SLC2A13: variants seen among roughly 807,000 people sequenced by gnomAD.
SLC2A13 encodes the protein proton myo-inositol cotransporter.
In SLC2A13, 32 loss-of-function variants were observed where a neutral mutation model predicts 64.4. That is an observed-to-expected ratio of 0.50 (90% CI 0.37 to 0.67). The LOEUF (loss-of-function observed/expected upper bound fraction) is 0.67. Among genes scored for constraint, SLC2A13 ranks in the 30% least tolerant of loss-of-function variants. The pLI is 0.00. For missense variants in SLC2A13, 743 were observed against 829.2 expected (o/e 0.90, Z 1.28); for synonymous variants, 338 against 327.1 (o/e 1.03, Z -0.36).
chr12:39,775,319 A>T (rs538797319), intron 7 of SLC2A13, among the ~76,000 whole-genome samples: 16 of 152,358 alleles, frequency 1.1e-4, no homozygotes, highest in Middle Eastern at 3.4e-3. Context: ...AGTTACTTTC[A>T]TTTTGGCACC....
chr12:40,070,644 A>G (rs1937917876), intron 1 of SLC2A13, among the ~76,000 whole-genome samples: 1 of 152,186 alleles, frequency 6.6e-6, no homozygotes, highest in Admixed American at 6.6e-5. Flanking sequence ...GTGATGCCAA[A>G]GTAATGCCAT....
Position 39,771,810 on chromosome 12 carries a change from G to A in SLC2A13, c.1446-6952C>T, listed in dbSNP as rs904436024. Among the ~76,000 whole-genome samples, 7 of 152,218 alleles carry A rather than the reference G, an allele frequency of 4.6e-5. No individual in the cohort carries two copies. In the East Asian group the frequency reaches 5.8e-4, roughly 13 times the overall value. On this transcript the variant is annotated intron_variant, in intron 7 of 9. Transcript: ENST00000280871. ...ATTCCAGCAGTCTACAAAATGGCCTGCAAAATGTGGCTGCAGCCTACCTTA... is the reference window on the plus strand; with the variant it reads ...ATTCCAGCAGTCTACAAAATGGCCTACAAAATGTGGCTGCAGCCTACCTTA...
intron 1 of SLC2A13, among the ~76,000 whole-genome samples, chr12:40,094,248 C>T (rs1305561258): frequency 6.6e-6 from 1 of 152,142 alleles, no homozygotes; most frequent in Non-Finnish European, 1.5e-5. Context: ...CGGGTGCAAG[C>T]ATCTGGAGAT....
intron 1 of SLC2A13, among the ~76,000 whole-genome samples, chr12:40,078,395 T>A (rs1938263515): frequency 6.6e-6 from 1 of 152,226 alleles, no homozygotes; most frequent in Non-Finnish European, 1.5e-5. Context: ...CTTGTCTGTG[T>A]CTATTGAGAT....
intron 7 of SLC2A13, among the ~76,000 whole-genome samples, chr12:39,798,548 T>A (rs1237835354): frequency 6.6e-6 from 1 of 152,234 alleles, no homozygotes; most frequent in Non-Finnish European, 1.5e-5. Flanking sequence ...TTATTACGCA[T>A]AAGAGCGCTT....
intron 2 of SLC2A13, among the ~76,000 whole-genome samples, chr12:40,037,189 T>C (rs1948002336): frequency 6.6e-6 from 1 of 152,196 alleles, no homozygotes; most frequent in Admixed American, 6.5e-5. Flanking sequence ...CAAATTTACT[T>C]TTCTTGTAAC....
intron 4 of SLC2A13, among the ~76,000 whole-genome samples, chr12:39,891,608 ATGAG>A (rs1944610578): frequency 6.6e-6 from 1 of 152,170 alleles, no homozygotes; most frequent in Non-Finnish European, 1.5e-5. Flanking sequence ...CTTGGAAATA[ATGAG>A]TATCATTTTC....
chr12:39,789,825 C>T (rs753239050), intron 7 of SLC2A13, among the ~76,000 whole-genome samples: 1 of 151,996 alleles, frequency 6.6e-6, no homozygotes, highest in Non-Finnish European at 1.5e-5. Context: ...ATTTATTGGC[C>T]ATTTGGGTAT....
At chr12:39,949,963 G>A (rs986782031) in intron 4 of SLC2A13, 6 of 152,140 alleles carry the variant, frequency 3.9e-5, no homozygotes, top group Non-Finnish European at 1.5e-5. Context: ...CCAACAGATG[G>A]GCCTTAATAG....
chr12:40,041,107 C>T (rs561883666), intron 2 of SLC2A13, among the ~76,000 whole-genome samples: 32 of 152,270 alleles, frequency 2.1e-4, no homozygotes, highest in African/African-American at 7.7e-4. Context: ...CGCCCACCAC[C>T]GCGCCCGGCT....
At chr12:39,951,055 C>T (rs1215116967) in intron 4 of SLC2A13, 1 of 447,598 alleles carries the variant, frequency 2.2e-6, no homozygotes, top group Non-Finnish European at 3.9e-6. Flanking sequence ...AATCATATAA[C>T]AAACAAAATA....
At chr12:40,093,248 G>A (rs1565624668) in intron 1 of SLC2A13, among the ~76,000 whole-genome samples, 2 of 152,186 alleles carry the variant, frequency 1.3e-5, no homozygotes, top group African/African-American at 2.4e-5. Flanking sequence ...ATAGAGTAGT[G>A]TCAGAAGCAA....
At chr12:39,927,050 A>G (rs1363050049) in intron 4 of SLC2A13, among the ~76,000 whole-genome samples, 8 of 152,226 alleles carry the variant, frequency 5.3e-5, no homozygotes. Context: ...TAGTACCTCC[A>G]GAACTAAAGC....
chr12:39,805,799 A>G (rs1416640547), intron 7 of SLC2A13, among the ~76,000 whole-genome samples: 1 of 152,198 alleles, frequency 6.6e-6, no homozygotes, highest in African/African-American at 2.4e-5. Context: ...GAGGTTTTAA[A>G]TAAATAATCT....
intron 3 of SLC2A13, among the ~76,000 whole-genome samples, chr12:40,007,405 CTT>C (rs539474607): frequency 6.6e-6 from 1 of 152,090 alleles, no homozygotes; most frequent in South Asian, 2.1e-4. Flanking sequence ...TTCATAAGTT[CTT>C]TTTTGCTATC....
chr12:39,788,778 A>C (rs1357898365), intron 7 of SLC2A13: 1 of 152,158 alleles, frequency 6.6e-6, no homozygotes, highest in East Asian at 1.9e-4. Context: ...CAATTAACAG[A>C]ATGCTGATTT....
intron 4 of SLC2A13, chr12:39,907,602 G>A (rs1256366709): frequency 6.6e-6 from 1 of 152,048 alleles, no homozygotes; most frequent in African/African-American, 2.4e-5. Flanking sequence ...ATCTAATTTT[G>A]AGTGTTAAGA....
chr12:39,841,230 C>A (rs144327929), intron 6 of SLC2A13, among the ~76,000 whole-genome samples: 2,215 of 152,250 alleles, frequency 0.015, 27 homozygotes, highest in Middle Eastern at 0.024. Context: ...CTGTTAAAGG[C>A]AGCAATTTAG....
intron 3 of SLC2A13, among the ~76,000 whole-genome samples, chr12:39,971,983 GAAAA>G (rs1174701447): frequency 2.1e-3 from 198 of 95,772 alleles, no homozygotes; most frequent in African/African-American, 7.1e-3. Context: ...AGTGTCTCCA[GAAAA>G]AAAAAAAAAA....
Sources: gnomAD v4.1 joint callset for allele counts (sites outside exome capture counted in the v4.1 genomes callset) on GRCh38, gnomAD v4.1.1 for gene constraint, MANE v1.5 for transcripts, NCBI Gene and HGNC (gene_info 2026-07-23, HGNC 2026-07-21) for gene names.